The following HS3ST4 variants were observed in gnomAD, a reference collection of about 807,000 sequenced individuals.
HS3ST4 encodes the protein heparan sulfate glucosamine 3-O-sulfotransferase 4.
In HS3ST4, 17 loss-of-function variants were observed where a neutral mutation model predicts 29.2. That is an observed-to-expected ratio of 0.58 (90% confidence interval 0.40 to 0.87). HS3ST4 has a LOEUF of 0.87. Among genes scored for constraint, HS3ST4 ranks in the 40% least tolerant of loss-of-function variants. The pLI is 0.00. For synonymous variants in HS3ST4, 314 were observed against 285.7 expected (o/e 1.10, Z -1.00); for missense variants, 627 against 634.5 (o/e 0.99, Z 0.13).
intron 1 of HS3ST4, among the ~76,000 whole-genome samples, chr16:26,081,783 A>ATT (rs1898726700): frequency 7.8e-6 from 1 of 128,326 alleles, no homozygotes; most frequent in African/African-American, 3.2e-5. Flanking sequence ...CAGGGAGTAC[A>ATT]TTCTTTTTTT....
chr16:25,791,665 C>A (rs904436435), intron 1 of HS3ST4, among the ~76,000 whole-genome samples: 5 of 151,878 alleles, frequency 3.3e-5, no homozygotes, highest in African/African-American at 1.2e-4. Context: ...GATGATATTG[C>A]AAATGGTATT....
In HS3ST4 at chr16:25,693,088, G is replaced by C; in HGVS notation, c.671G>C (p.Arg224Pro). The change falls in exon 1 of 2, where the codon CGG becomes CCG. Residue 224 changes from arginine to proline, a missense_variant. Arg to Pro is a moderately radical substitution (Grantham distance 103, BLOSUM62 -2). Coordinates refer to ENST00000331351, the MANE Select transcript of HS3ST4 (RefSeq NM_006040.3). ...GCGATCCGCGTGCACCCGGACGTGCGGGCGGTGGGCGTAGAGCCGCACTTC... is the reference window on the plus strand; with the variant it reads ...GCGATCCGCGTGCACCCGGACGTGCCGGCGGTGGGCGTAGAGCCGCACTTC... ...LEAIRVHPDV[R>P]AVGVEPHFFD... 6.2e-7 allele frequency: 1 copy of C among 1,608,802 alleles called. No individual in the cohort carries two copies. The highest frequency in any genetic ancestry group is 2.3e-5 in the East Asian group (1 of 44,406).
At chr16:25,948,861 G>T (rs1371141234) in intron 1 of HS3ST4, among the ~76,000 whole-genome samples, 2 of 152,124 alleles carry the variant, frequency 1.3e-5, no homozygotes, top group Non-Finnish European at 2.9e-5. Context: ...CCGTTGTTAA[G>T]CATATTTTAC....
chr16:25,839,262 C>T (rs953749868), intron 1 of HS3ST4, among the ~76,000 whole-genome samples: 1 of 152,058 alleles, frequency 6.6e-6, no homozygotes, highest in Non-Finnish European at 1.5e-5. Context: ...GAAGATGTAT[C>T]TGATTTTATG....
intron 1 of HS3ST4, among the ~76,000 whole-genome samples, chr16:25,797,608 T>C (rs1316893651): frequency 6.6e-6 from 1 of 152,172 alleles, no homozygotes; most frequent in African/African-American, 2.4e-5. Flanking sequence ...TTCCAAACAC[T>C]CCTTGTATTT....
At chr16:25,960,204 C>T (rs1968781023) in intron 1 of HS3ST4, among the ~76,000 whole-genome samples, 1 of 152,180 alleles carries the variant, frequency 6.6e-6, no homozygotes, top group Non-Finnish European at 1.5e-5. Context: ...GACATACCTG[C>T]TCCCCCTTCT....
chr16:25,926,585 C>T (rs893070811), intron 1 of HS3ST4, among the ~76,000 whole-genome samples: 9 of 152,208 alleles, frequency 5.9e-5, no homozygotes, highest in Admixed American at 6.5e-5. Flanking sequence ...TGCCAGATGC[C>T]TGCTCAGTGT....
At chr16:26,052,709 C>G (rs138265215) in intron 1 of HS3ST4, among the ~76,000 whole-genome samples, 1 of 152,194 alleles carries the variant, frequency 6.6e-6, no homozygotes, top group African/African-American at 2.4e-5. Flanking sequence ...TGCCTTTTCT[C>G]CTAGGAATCT....
chr16:25,760,989 A>G (rs1228725816), intron 1 of HS3ST4, among the ~76,000 whole-genome samples: 1 of 152,126 alleles, frequency 6.6e-6, no homozygotes, highest in Non-Finnish European at 1.5e-5. Flanking sequence ...TGTGTAGCAA[A>G]TAGCAAAAGG....
At chr16:25,766,556 T>C (rs1416033483) in intron 1 of HS3ST4, among the ~76,000 whole-genome samples, 1 of 152,246 alleles carries the variant, frequency 6.6e-6, no homozygotes, top group Non-Finnish European at 1.5e-5. Context: ...TATTTGTTTA[T>C]ATATTATCAA....
chr16:25,778,776 G>A (rs1418384431), intron 1 of HS3ST4, among the ~76,000 whole-genome samples: 1 of 152,042 alleles, frequency 6.6e-6, no homozygotes, highest in African/African-American at 2.4e-5. Context: ...AGGAGAAGGA[G>A]AAGGAGATGA....
intron 1 of HS3ST4, among the ~76,000 whole-genome samples, chr16:25,950,873 C>T (rs1013624641): frequency 1.3e-5 from 2 of 152,260 alleles, no homozygotes; most frequent in South Asian, 4.1e-4. Context: ...GACCAAGGCT[C>T]AGCATGGGAT....
chr16:25,844,168 C>T (rs1028980248), intron 1 of HS3ST4, among the ~76,000 whole-genome samples: 1 of 152,098 alleles, frequency 6.6e-6, no homozygotes, highest in Non-Finnish European at 1.5e-5. Flanking sequence ...CGTGTTGTCC[C>T]CTCCCTGGTT....
In HS3ST4 at chr16:25,692,529, A is replaced by G; in HGVS notation, c.112A>G (p.Met38Val). 8 of 1,423,704 alleles carry G rather than the reference A, an allele frequency of 5.6e-6. 1 individual carries two copies. In the South Asian group the frequency reaches 9.3e-5, roughly 16 times the overall value. 88.2% of individuals were successfully genotyped at this position (1,423,704 alleles called of 1,614,324 possible). The change falls in exon 1 of 2, where the codon ATG becomes GTG. Residue 38 changes from methionine (M) to valine (V), a missense_variant. Met to Val is a conservative substitution (Grantham distance 21, BLOSUM62 1). Around this residue, in one of 2 missense-constraint regions of HS3ST4, gnomAD observed 402 missense variants for 340.8 expected, o/e 1.18. Transcript: ENST00000331351. ...KGPPARKLLF[M>V]CTLSLSVTYL... ...GCCGCCGGCGCGCAAGCTGCTTTTTATGTGCACCTTGTCCCTGTCTGTCAC... is the reference window on the plus strand; with the variant it reads ...GCCGCCGGCGCGCAAGCTGCTTTTTGTGTGCACCTTGTCCCTGTCTGTCAC...
intron 1 of HS3ST4, among the ~76,000 whole-genome samples, chr16:25,992,799 C>T (rs1018624899): frequency 1.3e-5 from 2 of 152,174 alleles, no homozygotes; most frequent in East Asian, 1.9e-4. Flanking sequence ...TTTATAAATT[C>T]GAGGCTGTGA....
At chr16:26,021,668 A>G (rs1969415106) in intron 1 of HS3ST4, among the ~76,000 whole-genome samples, 1 of 151,704 alleles carries the variant, frequency 6.6e-6, no homozygotes, top group Non-Finnish European at 1.5e-5. Context: ...TATTATTATT[A>G]TTATTATTAT....
intron 1 of HS3ST4, among the ~76,000 whole-genome samples, chr16:25,873,280 A>ATCCG (rs1481617604): frequency 1.2e-4 from 9 of 77,628 alleles, no homozygotes; most frequent in African/African-American, 4.3e-4. Context: ...TTGTCCATTC[A>ATCCG]TCCATCCATC....
chr16:25,760,545 A>G (rs924874374), intron 1 of HS3ST4, among the ~76,000 whole-genome samples: 1 of 151,650 alleles, frequency 6.6e-6, no homozygotes. Flanking sequence ...CAGTCTCCCA[A>G]GTAGCTAGGA....
chr16:25,762,730 A>G (rs1043772583), intron 1 of HS3ST4, among the ~76,000 whole-genome samples: 1 of 151,500 alleles, frequency 6.6e-6, no homozygotes, highest in East Asian at 1.9e-4. Context: ...ACAAACAAAC[A>G]AAAAAACCAC....
Sources: allele counts gnomAD v4.1 joint callset (sites outside exome capture counted in the v4.1 genomes callset), GRCh38; gene constraint gnomAD v4.1.1; regional missense constraint gnomAD v4.1.1; transcripts MANE v1.5; gene names NCBI Gene and HGNC (gene_info 2026-07-23, HGNC 2026-07-21).